The following TTC4 variants were observed in gnomAD, a reference collection of about 807,000 sequenced individuals.
TTC4 encodes tetratricopeptide repeat domain 4.
TTC4 carries 36 observed loss-of-function variants against 51.9 expected under a neutral mutation model. That is an observed-to-expected ratio of 0.69 (90% CI 0.53 to 0.92). TTC4 has a LOEUF of 0.92. Among genes scored for constraint, TTC4 ranks in the 40% least tolerant of loss-of-function variants. The pLI is 0.00. For synonymous variants in TTC4, 144 were observed against 164.2 expected, an observed-to-expected ratio of 0.88 and a Z score of 0.94; for missense variants, 399 against 454.6, an observed-to-expected ratio of 0.88 and a Z score of 1.11.
rs994069337 is a variant in TTC4 at position 54,742,106 on chromosome 1, T to C, written c.*593T>C. Reference sequence around the variant, plus strand: ...CAGATCCTTGGTACCCCTAAAAAGATTGCCAATTTTCTTCATCTTTGCCAT... The same window carrying C: ...CAGATCCTTGGTACCCCTAAAAAGACTGCCAATTTTCTTCATCTTTGCCAT... On this transcript the variant is annotated 3_prime_UTR_variant, in exon 10 of 10. Transcript: ENST00000371281. The C allele has an allele frequency of 6.6e-6, 1 of 152,340 alleles. No homozygotes were observed. Among genetic ancestry groups the C allele is most frequent in the Non-Finnish European group, 1.5e-5 (1 of 68,204 alleles). The allele number at this position is 152,340 out of a possible 1,614,324, so 9.4% of individuals were successfully genotyped here.
rs747104777 is a variant in TTC4 at position 54,717,504 on chromosome 1, C to T, written c.242C>T (p.Thr81Ile). Reference sequence around the variant, plus strand: ...CTCTTCTTTGCAGAACAGGCCAAGACCTATAAAGATGAGGGCAATGATTAC... The same window carrying T: ...CTCTTCTTTGCAGAACAGGCCAAGATCTATAAAGATGAGGGCAATGATTAC... ...EERSPEEQAK[T>I]YKDEGNDYFK... is the part of the protein sequence containing the mutation. The change falls in exon 3 of 10, where the codon ACC (threonine) becomes ATC (isoleucine). Residue 81 changes from threonine to isoleucine, a missense_variant. Thr to Ile is a moderately conservative substitution (Grantham distance 89). Coordinates refer to ENST00000371281, the MANE Select transcript of TTC4 (RefSeq NM_004623.5). 5.0e-6 allele frequency: 8 copies of T among 1,593,472 alleles called. 1 individual carries two copies. The highest frequency in any genetic ancestry group is 1.1e-5 in the South Asian group (1 of 87,116).
intron 6 of TTC4, among the ~76,000 whole-genome samples, chr1:54,730,043 A>T (rs1373114524): frequency 1.3e-5 from 2 of 151,998 alleles, no homozygotes; most frequent in Non-Finnish European, 2.9e-5. Flanking sequence ...TTGTTTTATT[A>T]TTTGTTCAGT....
chr1:54,730,961 T>C (rs1645858503), intron 6 of TTC4, among the ~76,000 whole-genome samples: 1 of 152,154 alleles, frequency 6.6e-6, no homozygotes. Context: ...CTGAATTAAT[T>C]ATTCCATCGT....
Position 54,731,515 on chromosome 1 carries a change from C to T in TTC4, c.711C>T (p.Ala237=). The T allele has an allele frequency of 6.2e-7, 1 of 1,613,904 alleles. No homozygotes were observed. Among genetic ancestry groups the T allele is most frequent in the Non-Finnish European group, 8.5e-7 (1 of 1,179,886 alleles). ...KARNIRLSEA[A]CEDEDSASEG... Reference sequence around the variant, plus strand: ...GGAATATCAGGCTCTCAGAAGCTGCCTGTGAGGATGAAGATTCAGCCTCAG... The same window carrying T: ...GGAATATCAGGCTCTCAGAAGCTGCTTGTGAGGATGAAGATTCAGCCTCAG... The change falls in exon 7 of 10, where the codon GCC becomes GCT. Residue 237 remains alanine, a synonymous_variant. Coordinates refer to ENST00000371281, the MANE Select transcript of TTC4 (RefSeq NM_004623.5).
chr1:54,735,683 T>C (rs1021959599), intron 8 of TTC4, among the ~76,000 whole-genome samples: 1 of 152,202 alleles, frequency 6.6e-6, no homozygotes, highest in Non-Finnish European at 1.5e-5. Flanking sequence ...ACAGTTACTT[T>C]TTCTTTATGA....
At chr1:54,734,417 C>T (rs2101353783) in intron 8 of TTC4, among the ~76,000 whole-genome samples, 1 of 151,990 alleles carries the variant, frequency 6.6e-6, no homozygotes, top group East Asian at 1.9e-4. Flanking sequence ...GAGACAGAAT[C>T]TCGCTCTGTC....
At chr1:54,734,185 C>T (rs996685963) in intron 8 of TTC4, among the ~76,000 whole-genome samples, 2 of 151,978 alleles carry the variant, frequency 1.3e-5, no homozygotes, top group African/African-American at 2.4e-5. Flanking sequence ...GATTCTCCTG[C>T]CTCAGCCTCC....
intron 6 of TTC4, among the ~76,000 whole-genome samples, chr1:54,730,179 C>T (rs1645848004): frequency 6.6e-6 from 1 of 152,118 alleles, no homozygotes; most frequent in African/African-American, 2.4e-5. Context: ...GATTAGAATA[C>T]TCCAGATTTT....
intron 8 of TTC4, among the ~76,000 whole-genome samples, chr1:54,736,221 A>T (rs1557752921): frequency 0.031 from 3,459 of 110,958 alleles, 333 homozygotes; most frequent in African/African-American, 0.085. Flanking sequence ...AGAGAGAGAG[A>T]GAAGAGGAGA....
Position 54,715,921 on chromosome 1 carries a change from G to A in TTC4, c.13G>A (p.Gly5Arg). The A allele has an allele frequency of 6.2e-7, 1 of 1,606,570 alleles. No individual in the cohort carries two copies. Among genetic ancestry groups the A allele is most frequent in the East Asian group, 2.2e-5 (1 of 44,522 alleles). The change falls in exon 1 of 10, where the codon GGG becomes AGG. Residue 5 changes from glycine (G) to arginine (R), a missense_variant. By Grantham distance (125) the Gly-to-Arg change is moderately radical. Around this residue, in one of 3 missense-constraint regions of TTC4, gnomAD observed 316 missense variants for 349.6 expected, o/e 0.90. Coordinates refer to ENST00000371281, the MANE Select transcript of TTC4 (RefSeq NM_004623.5). ...CAGGGCATCAGCTATGGAACAACCT[G>A]GGCAGGATCCCACCTCAGACGACGT... is the stretch of plus-strand genomic sequence containing the variant. MEQP[G>R]QDPTSDDVMD... is the part of the protein sequence containing the mutation.
chr1:54,723,069 G>T (rs1427973438), intron 5 of TTC4, among the ~76,000 whole-genome samples: 1 of 152,098 alleles, frequency 6.6e-6, no homozygotes, highest in Non-Finnish European at 1.5e-5. Flanking sequence ...TATTACAGTG[G>T]TCCCATAAGA....
At chr1:54,725,307 A>G (rs1645786243) in intron 5 of TTC4, among the ~76,000 whole-genome samples, 1 of 152,244 alleles carries the variant, frequency 6.6e-6, no homozygotes. Context: ...TAAAGATTGT[A>G]GAAGCTGAAG....
At chr1:54,719,192 A>G (rs1298350637) in intron 3 of TTC4, among the ~76,000 whole-genome samples, 1 of 150,016 alleles carries the variant, frequency 6.7e-6, no homozygotes, top group Non-Finnish European at 1.5e-5. Context: ...TCACTGGTGC[A>G]GCAGAGGGGT....
chr1:54,741,528 C>T lies in TTC4; in HGVS notation c.*15C>T, dbSNP rs1323884186. ...AGATACGATGACTAAGCCAGGGCCC[C>T]TGGATCTCCTCCCTTACCCTCCTCT... is the stretch of plus-strand genomic sequence containing the variant. On this transcript the variant is annotated 3_prime_UTR_variant, in exon 10 of 10. Transcript: ENST00000371281. 1 of 1,604,758 alleles carries T rather than the reference C, an allele frequency of 6.2e-7. No individual in the cohort carries two copies. Among genetic ancestry groups the T allele is most frequent in the South Asian group, 1.1e-5 (1 of 90,884 alleles).
chr1:54,737,554 G>C, intron 8 of TTC4, 28 bp from the exon 9 acceptor site: 1 of 1,609,922 alleles, frequency 6.2e-7, no homozygotes. Context: ...CTTTATCTCT[G>C]ACTCTTGCCC....
intron 3 of TTC4, among the ~76,000 whole-genome samples, chr1:54,720,952 T>C (rs1645736758): frequency 2.0e-5 from 3 of 152,230 alleles, no homozygotes; most frequent in South Asian, 4.1e-4. Context: ...CGTCTTTTCA[T>C]GTGCTTACTA....
Position 54,722,806 on chromosome 1 carries a change from G to A in TTC4, c.594+7G>A, listed in dbSNP as rs748063769. 6.2e-7 allele frequency: 1 copy of A among 1,612,726 alleles called. No individual in the cohort carries two copies. Among genetic ancestry groups the A allele is most frequent in the Non-Finnish European group, 8.5e-7 (1 of 1,179,640 alleles). On this transcript the variant is annotated splice_region_variant and intron_variant, in intron 5 of 9. Transcript: ENST00000371281. ...TAAAGCAGACAAGCTGAAGGTTGGTGACTGTCAGCAACCAATTAGCATTTG... is the reference window on the plus strand; with the variant it reads ...TAAAGCAGACAAGCTGAAGGTTGGTAACTGTCAGCAACCAATTAGCATTTG...
chr1:54,726,828 A>G (rs1645805097), intron 5 of TTC4, among the ~76,000 whole-genome samples: 2 of 152,078 alleles, frequency 1.3e-5, no homozygotes, highest in African/African-American at 2.4e-5. Flanking sequence ...GCTGGAGTGC[A>G]GTGGTATGAT....
rs1403134935 is a variant in TTC4, at chr1:54,737,683, C to A, written c.1061+19C>A. 2.5e-6 allele frequency: 4 copies of A among 1,610,234 alleles called. No individual in the cohort carries two copies. The highest frequency in any genetic ancestry group is 3.4e-6 in the Non-Finnish European group (4 of 1,178,976). On this transcript the variant is annotated intron_variant, in intron 9 of 9. Coordinates refer to ENST00000371281, the MANE Select transcript of TTC4 (RefSeq NM_004623.5). ...ACCAGAGGTGAGTCATCTCATGGCG[C>A]TGAGTAGATTGGGGAAGATGCTCAG...
Sources: gnomAD v4.1 joint callset for allele counts (sites outside exome capture counted in the v4.1 genomes callset) on GRCh38, gnomAD v4.1.1 for gene constraint, gnomAD v4.1.1 regional missense constraint, MANE v1.5 for transcripts, NCBI Gene and HGNC (gene_info 2026-07-23, HGNC 2026-07-21) for gene names.